SINHCAF: variants seen among roughly 807,000 people sequenced by gnomAD.
The protein encoded by SINHCAF is SIN3-HDAC complex associated factor, also known as SIN3-HDAC complex-associated factor.
In SINHCAF, 3 loss-of-function variants were observed where a neutral mutation model predicts 25.8. That is an observed-to-expected ratio of 0.12 (90% CI 0.05 to 0.30). The LOEUF is 0.30. Ranked by LOEUF, SINHCAF falls within the 10% of genes least tolerant of loss-of-function variation. The pLI is 1.00. For missense variants in SINHCAF, 121 were observed against 262.3 expected, an observed-to-expected ratio of 0.46 and a Z score of 3.72; for synonymous variants, 70 against 85.5, an observed-to-expected ratio of 0.82 and a Z score of 1.00.
At chr12:31,321,157 A>G (rs1300289457) in intron 1 of SINHCAF, among the ~76,000 whole-genome samples, 1 of 152,242 alleles carries the variant, frequency 6.6e-6, no homozygotes. Context: ...TGCAGATTCA[A>G]TAAAAAACTG....
At chr12:31,297,072 G>C (rs1167740830) in intron 2 of SINHCAF, 1 of 401,062 alleles carries the variant, frequency 2.5e-6, no homozygotes, top group Admixed American at 3.1e-5. Flanking sequence ...AAAAAAGAAT[G>C]ATTTCCCATG....
In SINHCAF at chr12:31,313,717, C is replaced by T. The variant is rs550640687; in HGVS notation, c.-21+12307G>A. Among the ~76,000 whole-genome samples, 7 of 152,174 alleles carry T rather than the reference C, an allele frequency of 4.6e-5. 1 individual carries two copies. Among genetic ancestry groups the T allele is most frequent in the African/African-American group, 7.2e-5 (3 of 41,548 alleles). On this transcript the variant is annotated intron_variant, in intron 1 of 5. Coordinates refer to ENST00000337682, the MANE Select transcript of SINHCAF (RefSeq NM_001135812.2). ...AGGCTGGAGTGCAATGGCACGATCT[C>T]GGCTCACTGCAACCTCCACCTCCTG...
At chr12:31,307,837 A>C (rs898963951) in intron 1 of SINHCAF, among the ~76,000 whole-genome samples, 3 of 152,180 alleles carry the variant, frequency 2.0e-5, no homozygotes, top group South Asian at 2.1e-4. Context: ...ACTGCTGACT[A>C]TAATAGCCTA....
chr12:31,321,158 T>TA (rs1421319913), intron 1 of SINHCAF, among the ~76,000 whole-genome samples: 1 of 151,988 alleles, frequency 6.6e-6, no homozygotes, highest in Non-Finnish European at 1.5e-5. Context: ...GCAGATTCAA[T>TA]AAAAAACTGG....
chr12:31,316,318 A>C (rs993135462), intron 1 of SINHCAF, among the ~76,000 whole-genome samples: 2 of 152,204 alleles, frequency 1.3e-5, no homozygotes, highest in Admixed American at 6.5e-5. Flanking sequence ...CAATATATAT[A>C]AACAAAAAAA....
chr12:31,284,846 T>A (rs1565487607), intron 5 of SINHCAF, among the ~76,000 whole-genome samples: 1 of 152,218 alleles, frequency 6.6e-6, no homozygotes, highest in South Asian at 2.1e-4. Flanking sequence ...TTAATTACCA[T>A]GGCTTCATAA....
At chr12:31,322,623 G>A (rs1036460488) in intron 1 of SINHCAF, among the ~76,000 whole-genome samples, 1 of 152,036 alleles carries the variant, frequency 6.6e-6, no homozygotes, top group Non-Finnish European at 1.5e-5. Context: ...TTGCCTTTTG[G>A]TATTGTAATT....
intron 1 of SINHCAF, among the ~76,000 whole-genome samples, chr12:31,321,393 A>T (rs1293207862): frequency 6.6e-6 from 1 of 152,208 alleles, no homozygotes; most frequent in African/African-American, 2.4e-5. Flanking sequence ...TCTTAAGGTA[A>T]GGGAGGGGAC....
rs917864961 is a variant in SINHCAF, at chr12:31,300,436, T to TA, written c.-20-2213dup. Among the ~76,000 whole-genome samples, 32 of 152,050 alleles carry TA rather than the reference T, an allele frequency of 2.1e-4. 1 individual carries two copies. Among genetic ancestry groups the TA allele is most frequent in the African/African-American group, 5.8e-4 (24 of 41,486 alleles). On this transcript the variant is annotated intron_variant, in intron 1 of 5. Coordinates refer to ENST00000337682, the MANE Select transcript of SINHCAF (RefSeq NM_001135812.2). ...AAACAGTTACCTCTAAGAACTGTTTTAAAAAAAACATTTTTAGTTGATAAT... is the reference window on the plus strand; with the variant it reads ...AAACAGTTACCTCTAAGAACTGTTTTAAAAAAAAACATTTTTAGTTGATAAT...
intron 4 of SINHCAF, among the ~76,000 whole-genome samples, chr12:31,290,211 TG>T (rs1294020803): frequency 1.3e-5 from 2 of 151,698 alleles, no homozygotes; most frequent in Admixed American, 6.6e-5. Flanking sequence ...GTGCAGTGGC[TG>T]GATCTCAGCT....
chr12:31,286,319 G>A (rs1285201560), intron 5 of SINHCAF, among the ~76,000 whole-genome samples: 1 of 150,480 alleles, frequency 6.6e-6, no homozygotes, highest in Non-Finnish European at 1.5e-5. Context: ...GTTCAAATTT[G>A]TCAAACTCCT....
At position 31,317,031 on chromosome 12, in the gene SINHCAF, A is replaced by G. The variant is rs551250372; in HGVS notation, c.-21+8993T>C. ...TCTAACTTCCCCAATTCCACTTTCT[A>G]GATTCCTTCTTCTGGCTTTTTTATA... On this transcript the variant is annotated intron_variant, in intron 1 of 5. Transcript: ENST00000337682. 3.3e-5 allele frequency among the ~76,000 whole-genome samples: 5 copies of G among 152,308 alleles called. No individual in the cohort carries two copies. The South Asian group carries it at 1.0e-3, about 32-fold the overall frequency.
chr12:31,310,726 A>G (rs1381452030), intron 1 of SINHCAF, among the ~76,000 whole-genome samples: 1 of 152,144 alleles, frequency 6.6e-6, no homozygotes, highest in Non-Finnish European at 1.5e-5. Context: ...GGAAATTTTA[A>G]TAATATGTCA....
At chr12:31,313,367 G>C (rs957829341) in intron 1 of SINHCAF, among the ~76,000 whole-genome samples, 2 of 152,140 alleles carry the variant, frequency 1.3e-5, no homozygotes, top group Non-Finnish European at 2.9e-5. Flanking sequence ...TGGTACTGCT[G>C]TCATAAATTC....
rs539846865 is a variant in SINHCAF, at chr12:31,285,110, G to A, written c.507-2239C>T. On this transcript the variant is annotated intron_variant, in intron 5 of 5. Transcript: ENST00000337682. ...TGTCTTTAAATGTTATTCAACGGCC[G>A]GGCGCAGTGGTTCATGCCTGTAATC... is the stretch of plus-strand genomic sequence containing the variant. Among the ~76,000 whole-genome samples the A allele has an allele frequency of 2.5e-4, 38 of 152,174 alleles. 1 individual carries two copies. The highest frequency in any genetic ancestry group is 7.9e-4 in the African/African-American group (33 of 41,522).
At chr12:31,320,729 TC>T (rs1939664881) in intron 1 of SINHCAF, among the ~76,000 whole-genome samples, 1 of 151,904 alleles carries the variant, frequency 6.6e-6, no homozygotes, top group Non-Finnish European at 1.5e-5. Context: ...TAAAAAGGAG[TC>T]TTTTTTTAAC....
At chr12:31,315,077 G>C (rs1012090523) in intron 1 of SINHCAF, among the ~76,000 whole-genome samples, 3 of 152,214 alleles carry the variant, frequency 2.0e-5, no homozygotes, top group African/African-American at 7.2e-5. Flanking sequence ...GCGCACCCAG[G>C]AAGCACAAGT....
At chr12:31,284,333 C>A (rs1937944145) in intron 5 of SINHCAF, among the ~76,000 whole-genome samples, 1 of 152,114 alleles carries the variant, frequency 6.6e-6, no homozygotes, top group Admixed American at 6.6e-5. Flanking sequence ...TGAGTTATTT[C>A]ATGATTCCTT....
At chr12:31,322,802 G>A (rs1169315877) in intron 1 of SINHCAF, among the ~76,000 whole-genome samples, 2 of 152,184 alleles carry the variant, frequency 1.3e-5, no homozygotes, top group African/African-American at 4.8e-5. Flanking sequence ...TTCAAATGCA[G>A]GAGAAATCAG....
Sources: allele counts gnomAD v4.1 joint callset (sites outside exome capture counted in the v4.1 genomes callset), GRCh38; gene constraint gnomAD v4.1.1; transcripts MANE v1.5; gene names NCBI Gene and HGNC (gene_info 2026-07-23, HGNC 2026-07-21).